Variants in PLCB1 observed in about 807,000 individuals in gnomAD.
PLCB1 encodes the protein phospholipase C beta 1.
Under a neutral mutation model 161.8 loss-of-function variants are expected in PLCB1, and 46 were observed. The observed-to-expected ratio is 0.28, with a 90% CI of 0.22 to 0.36. The LOEUF is 0.36. Ranked by LOEUF, PLCB1 falls within the 10% of genes least tolerant of loss-of-function variation. The pLI, the probability that PLCB1 is intolerant of heterozygous loss-of-function variation, is 1.00. For missense variants in PLCB1, 1,016 were observed against 1,472.5 expected (o/e 0.69, Z 5.07); for synonymous variants, 517 against 503.7 (o/e 1.03, Z -0.35).
At chr20:8,791,879 C>T (rs527491541) in intron 31 of PLCB1, among the ~76,000 whole-genome samples, 2 of 152,246 alleles carry the variant, frequency 1.3e-5, no homozygotes, top group African/African-American at 4.8e-5. Flanking sequence ...GAACTAATAA[C>T]TTTTGGCTGA....
intron 3 of PLCB1, among the ~76,000 whole-genome samples, chr20:8,447,078 A>G (rs1193150553): frequency 2.6e-5 from 4 of 152,198 alleles, no homozygotes; most frequent in Non-Finnish European, 5.9e-5. Flanking sequence ...GCTTTGCAAC[A>G]TGGTGATTTG....
chr20:8,468,232 T>C (rs536213915), intron 3 of PLCB1, among the ~76,000 whole-genome samples: 1 of 152,296 alleles, frequency 6.6e-6, no homozygotes, highest in Admixed American at 6.5e-5. Flanking sequence ...TTGATCTAGG[T>C]AGTAGTTATA....
chr20:8,376,695 G>A (rs1335726196), intron 3 of PLCB1, among the ~76,000 whole-genome samples: 1 of 152,178 alleles, frequency 6.6e-6, no homozygotes, highest in East Asian at 1.9e-4. Context: ...TTGGGTGGCT[G>A]AGGCGGGCGG....
intron 3 of PLCB1, among the ~76,000 whole-genome samples, chr20:8,533,110 G>T (rs903690444): frequency 6.6e-6 from 1 of 150,798 alleles, no homozygotes; most frequent in African/African-American, 2.4e-5. Context: ...GAGAACATGC[G>T]GTGTTTGGTT....
chr20:8,504,935 T>C (rs1983574206), intron 3 of PLCB1, among the ~76,000 whole-genome samples: 1 of 152,192 alleles, frequency 6.6e-6, no homozygotes, highest in South Asian at 2.1e-4. Context: ...TGGAACGACA[T>C]TGGCTTATTG....
intron 3 of PLCB1, among the ~76,000 whole-genome samples, chr20:8,452,046 T>C (rs1981098123): frequency 6.6e-6 from 1 of 152,170 alleles, no homozygotes; most frequent in Non-Finnish European, 1.5e-5. Context: ...AGCTGAGAGA[T>C]TTGTGAGGAA....
In PLCB1 at chr20:8,323,841, T is replaced by G. The variant is rs543361267; in HGVS notation, c.178-47541T>G. Among the ~76,000 whole-genome samples the G allele has an allele frequency of 4.2e-4, 63 of 149,434 alleles. 1 individual carries two copies. In the South Asian group the frequency reaches 0.014, roughly 33 times the overall value. On this transcript the variant is annotated intron_variant, in intron 2 of 31. Coordinates refer to ENST00000338037, the MANE Select transcript of PLCB1 (RefSeq NM_015192.4). ...TGCAAGCCTAGTTCACTTAACCTAA[T>G]ACCATGCTTAGTCATTGCCAAAAAA...
At chr20:8,504,619 T>A (rs1440830327) in intron 3 of PLCB1, among the ~76,000 whole-genome samples, 2 of 152,070 alleles carry the variant, frequency 1.3e-5, no homozygotes, top group African/African-American at 4.8e-5. Context: ...TTTCTTCCCC[T>A]CCTCTTTCGC....
At chr20:8,293,724 G>A (rs1983494416) in intron 2 of PLCB1, among the ~76,000 whole-genome samples, 1 of 152,122 alleles carries the variant, frequency 6.6e-6, no homozygotes, top group African/African-American at 2.4e-5. Context: ...ACCCTCAAAG[G>A]GTCTTGGGGA....
At chr20:8,179,348 A>G (rs988402681) in intron 2 of PLCB1, among the ~76,000 whole-genome samples, 4 of 150,426 alleles carry the variant, frequency 2.7e-5, no homozygotes, top group African/African-American at 9.8e-5. Flanking sequence ...AGATCTTTCA[A>G]CTCTCTGGTT....
intron 3 of PLCB1, among the ~76,000 whole-genome samples, chr20:8,536,535 TGCA>T (rs1290572869): frequency 6.6e-6 from 1 of 152,116 alleles, no homozygotes; most frequent in Non-Finnish European, 1.5e-5. Context: ...CTCAAACAGT[TGCA>T]GCAAGATGGT....
chr20:8,712,284 G>A (rs995472944), intron 12 of PLCB1, among the ~76,000 whole-genome samples: 10 of 152,056 alleles, frequency 6.6e-5, no homozygotes, highest in African/African-American at 2.4e-4. Context: ...GACAGAGTGA[G>A]ACTTTGTCTC....
chr20:8,708,902 G>A (rs1250309605), intron 12 of PLCB1, 150 bp downstream of exon 12: 1 of 593,732 alleles, frequency 1.7e-6, no homozygotes, highest in Non-Finnish European at 3.0e-6. Flanking sequence ...TGTAGGTGAT[G>A]GAATTCACTT....
At chr20:8,814,624 A>T (rs901008849) in intron 31 of PLCB1, among the ~76,000 whole-genome samples, 6 of 149,496 alleles carry the variant, frequency 4.0e-5, no homozygotes, top group Non-Finnish European at 8.9e-5. Context: ...CATATTTAAA[A>T]GGCAGGTTTA....
At chr20:8,458,932 A>G (rs1434609324) in intron 3 of PLCB1, among the ~76,000 whole-genome samples, 1 of 152,210 alleles carries the variant, frequency 6.6e-6, no homozygotes, top group African/African-American at 2.4e-5. Context: ...TTCAAATCCT[A>G]TTTCAATAGA....
rs902380232 is a variant in PLCB1, at chr20:8,778,627, T to C, written c.3111+3908T>C. Among the ~76,000 whole-genome samples the C allele has an allele frequency of 2.0e-5, 3 of 152,182 alleles. 1 individual carries two copies. Among genetic ancestry groups the C allele is most frequent in the African/African-American group, 7.2e-5 (3 of 41,444 alleles). On this transcript the variant is annotated intron_variant, in intron 27 of 31. Transcript: ENST00000338037. ...GACTGTTCAGAGGGACATAAATACA[T>C]GCCCAAGTCAGCCTGGCCCTTTCAG...
chr20:8,527,066 TG>T (rs1568494224), intron 3 of PLCB1, among the ~76,000 whole-genome samples: 1 of 151,930 alleles, frequency 6.6e-6, no homozygotes, highest in East Asian at 1.9e-4. Flanking sequence ...CAGACACATC[TG>T]GGTGATGCCA....
At chr20:8,502,185 A>G (rs981653566) in intron 3 of PLCB1, among the ~76,000 whole-genome samples, 1 of 152,056 alleles carries the variant, frequency 6.6e-6, no homozygotes, top group African/African-American at 2.4e-5. Flanking sequence ...CAAAATTACC[A>G]GTGTTCTATG....
intron 31 of PLCB1, among the ~76,000 whole-genome samples, chr20:8,826,689 T>C (rs1446637532): frequency 8.5e-5 from 13 of 152,218 alleles, no homozygotes; most frequent in African/African-American, 1.4e-4. Flanking sequence ...CACTCATCTC[T>C]CACTCTAGAA....
Sources: gnomAD v4.1 joint callset for allele counts (sites outside exome capture counted in the v4.1 genomes callset) on GRCh38, gnomAD v4.1.1 for gene constraint, MANE v1.5 for transcripts, NCBI Gene and HGNC (gene_info 2026-07-23, HGNC 2026-07-21) for gene names.